Variants in REDIC1 observed in about 807,000 individuals in gnomAD.
The protein encoded by REDIC1 is HEI10 Interacting Protein 1.
chr12:39,724,413 G>A, the REDIC1 span, among the ~76,000 whole-genome samples: 1 of 152,080 alleles, frequency 6.6e-6, no homozygotes, highest in Non-Finnish European at 1.5e-5. Context: ...TTCCTGCTGA[G>A]TTCCTCAGAA....
the REDIC1 span, among the ~76,000 whole-genome samples, chr12:39,896,869 A>G: frequency 1.1e-4 from 17 of 152,266 alleles, no homozygotes; most frequent in African/African-American, 3.6e-4. Flanking sequence ...GAATCAAGTT[A>G]CATGTATAGT....
chr12:39,700,550 G>A, the REDIC1 span, among the ~76,000 whole-genome samples: 10 of 151,650 alleles, frequency 6.6e-5, no homozygotes, highest in African/African-American at 2.2e-4. Context: ...ATCTAGCAAG[G>A]CAGGCCAACA....
the REDIC1 span, among the ~76,000 whole-genome samples, chr12:39,837,281 A>T: frequency 1.3e-5 from 2 of 149,880 alleles, no homozygotes; most frequent in Admixed American, 1.3e-4. Flanking sequence ...AAAACTGGCT[A>T]GCCATATGTA....
At chr12:39,805,148 A>C in the REDIC1 span, among the ~76,000 whole-genome samples, 1 of 152,200 alleles carries the variant, frequency 6.6e-6, no homozygotes, top group African/African-American at 2.4e-5. Flanking sequence ...AGGCCAGGCC[A>C]GGCCAGAGAG....
chr12:39,711,541 A>G, the REDIC1 span, among the ~76,000 whole-genome samples: 46 of 106,866 alleles, frequency 4.3e-4, no homozygotes, highest in African/African-American at 1.3e-3. Context: ...ATATACATAT[A>G]TGTATGTGCA....
the REDIC1 span, among the ~76,000 whole-genome samples, chr12:39,838,702 A>G: frequency 6.6e-6 from 1 of 152,188 alleles, no homozygotes; most frequent in East Asian, 1.9e-4. Flanking sequence ...AATCGTTTAT[A>G]TGTTTCACGT....
chr12:39,856,006 T>A, the REDIC1 span, among the ~76,000 whole-genome samples: 1 of 152,198 alleles, frequency 6.6e-6, no homozygotes, highest in African/African-American at 2.4e-5. Context: ...TCTACTAGCA[T>A]GCCCATAGAA....
At chr12:39,756,882 T>G in the REDIC1 span, 2 of 151,652 alleles carry the variant, frequency 1.3e-5, no homozygotes, top group Non-Finnish European at 3.0e-5. Context: ...GAAAAAATAG[T>G]CGGTATTCTC....
At chr12:39,799,527 G>T in the REDIC1 span, among the ~76,000 whole-genome samples, 1 of 151,624 alleles carries the variant, frequency 6.6e-6, no homozygotes, top group Non-Finnish European at 1.5e-5. Context: ...CTTAGAACTG[G>T]CAGAGTAGAG....
the REDIC1 span, among the ~76,000 whole-genome samples, chr12:39,901,451 G>T: frequency 3.5e-5 from 5 of 143,542 alleles, no homozygotes; most frequent in Non-Finnish European, 7.6e-5. Context: ...ATCTGACAAA[G>T]GGCTAATATC....
chr12:39,680,739 A>C, the REDIC1 span, among the ~76,000 whole-genome samples: 5 of 150,626 alleles, frequency 3.3e-5, no homozygotes, highest in Admixed American at 3.3e-4. Flanking sequence ...ATGCCTATCA[A>C]CCAATGAGTG....
the REDIC1 span, among the ~76,000 whole-genome samples, chr12:39,762,550 A>G: frequency 6.6e-6 from 1 of 152,054 alleles, no homozygotes; most frequent in African/African-American, 2.4e-5. Flanking sequence ...TGGGGGCACA[A>G]GGCAGACCTG....
At chr12:39,664,467 G>C in the REDIC1 span, among the ~76,000 whole-genome samples, 4 of 152,218 alleles carry the variant, frequency 2.6e-5, no homozygotes, top group South Asian at 8.3e-4. Flanking sequence ...TCTTGATCCA[G>C]TCTATCATTG....
At chr12:39,744,284 G>A in the REDIC1 span, among the ~76,000 whole-genome samples, 1 of 152,274 alleles carries the variant, frequency 6.6e-6, no homozygotes, top group East Asian at 1.9e-4. Context: ...AAAAATTGAG[G>A]GAGTTTGTTG....
At chr12:39,797,094 A>G in the REDIC1 span, among the ~76,000 whole-genome samples, 1 of 152,216 alleles carries the variant, frequency 6.6e-6, no homozygotes, top group African/African-American at 2.4e-5. Flanking sequence ...AATGGAAACT[A>G]TTCAACAGTA....
At chr12:39,701,135 G>A in the REDIC1 span, among the ~76,000 whole-genome samples, 7 of 148,180 alleles carry the variant, frequency 4.7e-5, no homozygotes, top group Non-Finnish European at 6.0e-5. Flanking sequence ...AAAAGACACA[G>A]ATTGGCAAAT....
the REDIC1 span, among the ~76,000 whole-genome samples, chr12:39,630,669 G>A: frequency 6.6e-6 from 1 of 152,148 alleles, no homozygotes; most frequent in Non-Finnish European, 1.5e-5. Context: ...GTAGAACATA[G>A]GATAGGTTTA....
At chr12:39,650,226 T>C in the REDIC1 span, 1 of 1,447,350 alleles carries the variant, frequency 6.9e-7, no homozygotes, top group South Asian at 1.5e-5. The surrounding 1 kb of genome is among the most constrained non-coding windows in gnomAD (Gnocchi z 4.3). Context: ...TTTCTTCAAA[T>C]TTTTTTTTTC....
chr12:39,761,870 A>ATCT, the REDIC1 span, among the ~76,000 whole-genome samples: 2 of 152,100 alleles, frequency 1.3e-5, no homozygotes. Flanking sequence ...AGTATATTTT[A>ATCT]TCTTCATCAT....
Sources: allele counts gnomAD v4.1 joint callset (sites outside exome capture counted in the v4.1 genomes callset), GRCh38; gene constraint gnomAD v4.1.1; non-coding constraint Gnocchi (gnomAD v3.1); transcripts MANE v1.5; gene names NCBI Gene and HGNC (gene_info 2026-07-23, HGNC 2026-07-21).